ART3: variants seen among roughly 807,000 people sequenced by gnomAD.
ART3 encodes the protein ADP-ribosyltransferase 3 (inactive), also known as ecto-ADP-ribosyltransferase 3.
In ART3, 49 loss-of-function variants were observed where a neutral mutation model predicts 48.5. The observed-to-expected ratio is 1.01, with a 90% CI of 0.80 to 1.28. The LOEUF (loss-of-function observed/expected upper bound fraction) is 1.28, where lower values mean the gene tolerates loss of function less well. ART3 is among the 50% of genes most tolerant of loss of function. ART3 has a pLI of 0.00. For synonymous variants in ART3, 145 were observed against 157.2 expected (o/e 0.92, Z 0.58); for missense variants, 438 against 454.3 (o/e 0.96, Z 0.33).
At chr4:76,021,921 C>G in intron 1 of ART3, 1 of 1,611,390 alleles carries the variant, frequency 6.2e-7, no homozygotes, top group East Asian at 2.2e-5. Flanking sequence ...ATTTTGCTCC[C>G]CTCTGGTTTT....
intron 1 of ART3, among the ~76,000 whole-genome samples, chr4:76,068,706 G>T (rs930782310): frequency 1.3e-5 from 2 of 152,100 alleles, no homozygotes; most frequent in Non-Finnish European, 2.9e-5. Context: ...GTACTTGGGT[G>T]ATGAAGTAAT....
chr4:76,031,079 A>G (rs999173913), intron 1 of ART3, among the ~76,000 whole-genome samples: 7 of 152,170 alleles, frequency 4.6e-5, no homozygotes, highest in African/African-American at 1.7e-4. Context: ...TTTTCACACC[A>G]GTGTTTCCCA....
chr4:76,063,296 A>G (rs571451742), intron 1 of ART3, among the ~76,000 whole-genome samples: 1 of 152,294 alleles, frequency 6.6e-6, no homozygotes, highest in East Asian at 1.9e-4. Flanking sequence ...GTAATGAAGG[A>G]ATGAGTCATT....
chr4:76,062,937 T>C (rs1719377003), intron 1 of ART3, among the ~76,000 whole-genome samples: 1 of 152,040 alleles, frequency 6.6e-6, no homozygotes, highest in Admixed American at 6.6e-5. Flanking sequence ...AGCTATTCTC[T>C]CTGTAAGGAA....
chr4:76,042,917 G>A (rs1048412959), intron 1 of ART3, among the ~76,000 whole-genome samples: 52 of 152,014 alleles, frequency 3.4e-4, no homozygotes, highest in Non-Finnish European at 6.5e-4. Context: ...TGGTAGAGCC[G>A]AGTGGTCTGT....
intron 1 of ART3, among the ~76,000 whole-genome samples, chr4:76,050,043 G>T (rs899925779): frequency 1.3e-5 from 2 of 148,260 alleles, no homozygotes; most frequent in African/African-American, 5.0e-5. Flanking sequence ...CTCCCGGTGG[G>T]CTTATGGTCT....
intron 1 of ART3, among the ~76,000 whole-genome samples, chr4:76,067,417 A>G (rs28564530): frequency 0.17 from 26,013 of 151,852 alleles, 2,821 homozygotes; most frequent in East Asian, 0.27. Context: ...TAGAATGCCC[A>G]ATGCCAGGAG....
chr4:76,021,771 C>A, intron 1 of ART3: 1 of 720,100 alleles, frequency 1.4e-6, no homozygotes, highest in South Asian at 1.7e-5. Flanking sequence ...GGAGTAGTAG[C>A]AGCTGATTTG....
In ART3 at chr4:76,093,835, A is replaced by G. The variant is rs1237966921; in HGVS notation, c.782-3809A>G. Among the ~76,000 whole-genome samples, 4 of 152,250 alleles carry G rather than the reference A, an allele frequency of 2.6e-5. No individual in the cohort carries two copies. In the East Asian group the frequency reaches 5.8e-4, roughly 22 times the overall value. ...CAATTTGGGTCTTTTTATATTTTCC[A>G]CGTCTCTACTTAACACCTGTTAGTA... On this transcript the variant is annotated intron_variant, in intron 3 of 11. Transcript: ENST00000355810.
At chr4:76,035,877 A>C in intron 1 of ART3, 2 of 1,501,040 alleles carry the variant, frequency 1.3e-6, no homozygotes, top group East Asian at 4.5e-5. Context: ...AAGACATTTG[A>C]AACATTAGAA....
At chr4:76,023,653 C>T (rs556589797) in intron 1 of ART3, among the ~76,000 whole-genome samples, 2 of 152,310 alleles carry the variant, frequency 1.3e-5, no homozygotes, top group South Asian at 4.1e-4. Flanking sequence ...TTTATTGTAG[C>T]CTCCAAGTTA....
intron 11 of ART3, among the ~76,000 whole-genome samples, chr4:76,109,833 A>T (rs1230643259): frequency 6.6e-6 from 1 of 152,234 alleles, no homozygotes; most frequent in Non-Finnish European, 1.5e-5. Flanking sequence ...CTGTGTGTAT[A>T]CATCCAACTG....
chr4:76,025,239 T>C (rs900823382), intron 1 of ART3, among the ~76,000 whole-genome samples: 2 of 152,270 alleles, frequency 1.3e-5, no homozygotes, highest in African/African-American at 4.8e-5. Flanking sequence ...AGAACAAACA[T>C]TTTACTGTGA....
At chr4:76,037,099 G>A (rs945978210) in intron 1 of ART3, 20 of 155,850 alleles carry the variant, frequency 1.3e-4, no homozygotes, top group African/African-American at 4.8e-4. Context: ...ATGGTGGAAA[G>A]CTACTTTATA....
intron 1 of ART3, among the ~76,000 whole-genome samples, chr4:76,060,535 T>C (rs1205907557): frequency 6.6e-6 from 1 of 152,210 alleles, no homozygotes; most frequent in African/African-American, 2.4e-5. Flanking sequence ...GCAGAATAAT[T>C]ATTCCCCAAA....
intron 10 of ART3, 21 bp downstream of exon 10, chr4:76,104,650 C>G (rs1728075983): frequency 6.4e-7 from 1 of 1,551,312 alleles, no homozygotes; most frequent in Admixed American, 2.0e-5. Context: ...GATAGGCATG[C>G]CAGAGGGGAA....
chr4:76,060,612 C>G (rs1365599824), intron 1 of ART3, among the ~76,000 whole-genome samples: 5 of 97,050 alleles, frequency 5.2e-5, no homozygotes, highest in Non-Finnish European at 1.0e-4. Flanking sequence ...GAACACTGGA[C>G]TTATATTATG....
chr4:76,088,220 G>A (rs1292719455), intron 3 of ART3, among the ~76,000 whole-genome samples: 1 of 149,906 alleles, frequency 6.7e-6, no homozygotes, highest in African/African-American at 2.5e-5. Flanking sequence ...CAGAGAAATA[G>A]TAGAGCACAT....
At chr4:76,099,231 G>A (rs1726726597) in intron 5 of ART3, 1 of 453,450 alleles carries the variant, frequency 2.2e-6, no homozygotes, top group South Asian at 2.1e-5. Context: ...GAGTCTGGGA[G>A]GCAGAGGTTG....
Sources: allele counts gnomAD v4.1 joint callset (sites outside exome capture counted in the v4.1 genomes callset), GRCh38; gene constraint gnomAD v4.1.1; transcripts MANE v1.5; gene names NCBI Gene and HGNC (gene_info 2026-07-23, HGNC 2026-07-21).